CMTM8: variants seen among roughly 807,000 people sequenced by gnomAD.
CMTM8 encodes the protein CKLF like MARVEL transmembrane domain containing 8, also known as CKLF-like MARVEL transmembrane domain-containing protein 8.
Under a neutral mutation model 18.6 loss-of-function variants are expected in CMTM8, and 12 were observed. The ratio of observed to expected loss-of-function variants is 0.65; its 90% CI spans 0.41 to 1.05. The LOEUF (loss-of-function observed/expected upper bound fraction) is 1.05, where lower values mean the gene tolerates loss of function less well. Ranked by LOEUF, CMTM8 falls within the 50% of genes least tolerant of loss-of-function variation. The probability of loss-of-function intolerance (pLI) is 0.00; values close to 1 mark genes in which losing one functional copy is unlikely to be tolerated. For synonymous variants in CMTM8, 87 were observed against 90.6 expected (o/e 0.96, Z 0.23); for missense variants, 217 against 227.2 (o/e 0.95, Z 0.29).
chr3:32,317,185 C>T (rs980779723), intron 1 of CMTM8, among the ~76,000 whole-genome samples: 1 of 152,122 alleles, frequency 6.6e-6, no homozygotes, highest in African/African-American at 2.4e-5. Context: ...TAGGATTGAC[C>T]TCAGGGCCAG....
intron 1 of CMTM8, among the ~76,000 whole-genome samples, chr3:32,250,414 C>G (rs1394408157): frequency 6.6e-6 from 1 of 152,090 alleles, no homozygotes; most frequent in Non-Finnish European, 1.5e-5. Context: ...AACAAACTAC[C>G]AAAAACCTGG....
chr3:32,270,646 C>T (rs905604734), intron 1 of CMTM8, among the ~76,000 whole-genome samples: 22 of 152,106 alleles, frequency 1.4e-4, no homozygotes, highest in Non-Finnish European at 2.9e-4. Flanking sequence ...CACATGTTCT[C>T]ACTCATAGGT....
intron 2 of CMTM8, among the ~76,000 whole-genome samples, chr3:32,361,233 G>A (rs1049698477): frequency 1.6e-4 from 23 of 146,896 alleles, no homozygotes; most frequent in South Asian, 4.3e-4. Flanking sequence ...CACCCGCCTC[G>A]GTCTCCCAAA....
intron 1 of CMTM8, among the ~76,000 whole-genome samples, chr3:32,261,787 G>T (rs1050343506): frequency 1.3e-5 from 2 of 152,184 alleles, no homozygotes; most frequent in African/African-American, 4.8e-5. Flanking sequence ...GTGGAGTTCA[G>T]TGTGAAACAA....
intron 1 of CMTM8, among the ~76,000 whole-genome samples, chr3:32,328,351 T>G: frequency 8.7e-6 from 1 of 115,538 alleles, no homozygotes; most frequent in Non-Finnish European, 1.7e-5. Flanking sequence ...GCCTGGGTGA[T>G]GGAGTGAGAC....
intron 1 of CMTM8, among the ~76,000 whole-genome samples, chr3:32,304,207 T>G (rs1398101): frequency 0.32 from 48,655 of 152,080 alleles, 8,919 homozygotes; most frequent in African/African-American, 0.49. Context: ...TTTGGTCACT[T>G]AGTTACAGTA....
chr3:32,352,129 G>A (rs1391703670), intron 1 of CMTM8, among the ~76,000 whole-genome samples: 2 of 138,458 alleles, frequency 1.4e-5, no homozygotes, highest in South Asian at 4.6e-4. Context: ...AGTGAGCCAA[G>A]ATCACACCAC....
intron 1 of CMTM8, among the ~76,000 whole-genome samples, chr3:32,267,461 T>G (rs189758218): frequency 2.5e-4 from 38 of 152,264 alleles, no homozygotes; most frequent in African/African-American, 8.7e-4. Flanking sequence ...CAAAATGGAT[T>G]AAAGACTTAA....
At chr3:32,259,866 T>C (rs1702232554) in intron 1 of CMTM8, 2 of 855,902 alleles carry the variant, frequency 2.3e-6, no homozygotes, top group Non-Finnish European at 3.9e-6. Context: ...GAGATTGACC[T>C]GGACTCCATG....
intron 1 of CMTM8, among the ~76,000 whole-genome samples, chr3:32,317,045 T>G (rs1695946900): frequency 6.6e-6 from 1 of 152,340 alleles, no homozygotes; most frequent in South Asian, 2.1e-4. Context: ...TTCAGAGAGC[T>G]CTGCACAGAT....
chr3:32,253,132 C>A (rs183922543), intron 1 of CMTM8, among the ~76,000 whole-genome samples: 163 of 152,220 alleles, frequency 1.1e-3, no homozygotes, highest in Non-Finnish European at 2.0e-3. Context: ...CTTGGGATAA[C>A]CTCTACTTAG....
chr3:32,298,858 CACACAT>C (rs1695541832), intron 1 of CMTM8, among the ~76,000 whole-genome samples: 1 of 144,316 alleles, frequency 6.9e-6, no homozygotes, highest in Non-Finnish European at 1.5e-5. Flanking sequence ...TATATACACA[CACACAT>C]ATATATACAC....
At chr3:32,239,293 C>T (rs566229947) in intron 1 of CMTM8, among the ~76,000 whole-genome samples, 174 bp downstream of exon 1, 5 of 152,250 alleles carry the variant, frequency 3.3e-5, no homozygotes, top group East Asian at 1.9e-4. Flanking sequence ...GTCCAGGAAA[C>T]TCGGGCTGTC....
In CMTM8 at chr3:32,254,526, G is replaced by A. The variant is rs1012954851; in HGVS notation, c.147+15407G>A. ...AGTTTTCCTTATTTTTTCCTCTAGT[G>A]ATTGAAAGTTATAAATTCTATTTTG... On this transcript the variant is annotated intron_variant, in intron 1 of 3. Transcript: ENST00000307526. 3.3e-5 allele frequency among the ~76,000 whole-genome samples: 5 copies of A among 151,872 alleles called. No homozygotes were observed. In the East Asian group the frequency reaches 5.8e-4, roughly 18 times the overall value.
chr3:32,369,975 T>C lies in CMTM8; in HGVS notation c.*8T>C. The C allele has an allele frequency of 6.6e-7, 1 of 1,525,338 alleles. No individual in the cohort carries two copies. The highest frequency in any genetic ancestry group is 1.4e-5 in the African/African-American group (1 of 73,360). 94.5% of individuals were successfully genotyped at this position (1,525,338 alleles called of 1,614,324 possible). A position where few individuals can be genotyped will look rare whatever the true frequency, so the allele number is the denominator to read the frequency against. Reference sequence around the variant, plus strand: ...TCCAGGACCATACAGTGATTTACCATTTTGATAATTAAAAGGAAAAAAAAA... The same window carrying C: ...TCCAGGACCATACAGTGATTTACCACTTTGATAATTAAAAGGAAAAAAAAA... On this transcript the variant is annotated 3_prime_UTR_variant, in exon 4 of 4. Transcript: ENST00000307526.
intron 1 of CMTM8, among the ~76,000 whole-genome samples, chr3:32,272,320 G>A (rs183919468): frequency 1.3e-5 from 2 of 151,998 alleles, no homozygotes; most frequent in African/African-American, 4.8e-5. Context: ...CTTGGGTTTG[G>A]TTGAGATTCT....
chr3:32,286,199 C>G (rs141151664), intron 1 of CMTM8, among the ~76,000 whole-genome samples: 2 of 152,110 alleles, frequency 1.3e-5, no homozygotes, highest in African/African-American at 4.8e-5. Context: ...CAGAGACAAT[C>G]GGTACATGAA....
intron 1 of CMTM8, among the ~76,000 whole-genome samples, chr3:32,330,063 G>C (rs1245819716): frequency 6.6e-6 from 1 of 152,114 alleles, no homozygotes; most frequent in Non-Finnish European, 1.5e-5. Context: ...AAACACTGCT[G>C]AAAGAAATTA....
intron 1 of CMTM8, among the ~76,000 whole-genome samples, chr3:32,280,133 T>C (rs1293092425): frequency 6.6e-6 from 1 of 152,146 alleles, no homozygotes; most frequent in Non-Finnish European, 1.5e-5. Flanking sequence ...CTGATTGACC[T>C]AGCTCAGGTC....
Sources: allele counts gnomAD v4.1 joint callset (sites outside exome capture counted in the v4.1 genomes callset), GRCh38; gene constraint gnomAD v4.1.1; transcripts MANE v1.5; gene names NCBI Gene and HGNC (gene_info 2026-07-23, HGNC 2026-07-21).